TMEM232: variants seen among roughly 807,000 people sequenced by gnomAD.
TMEM232 encodes the protein transmembrane protein 232.
A neutral mutation model predicts 78.8 loss-of-function variants in TMEM232; 80 were observed. The ratio of observed to expected loss-of-function variants is 1.01; its 90% CI spans 0.85 to 1.22. The LOEUF is 1.22. TMEM232 is among the 50% of genes most tolerant of loss of function. The pLI is 0.00. For missense variants in TMEM232, 881 were observed against 742.2 expected (o/e 1.19, Z -2.17); for synonymous variants, 297 against 254.3 (o/e 1.17, Z -1.60).
intron 11 of TMEM232, among the ~76,000 whole-genome samples, chr5:110,554,855 A>G (rs73222653): frequency 0.042 from 6,421 of 152,172 alleles, 439 homozygotes; most frequent in African/African-American, 0.15. Context: ...TGGTCTCTGT[A>G]GGGTTTTGAT....
intron 12 of TMEM232, among the ~76,000 whole-genome samples, chr5:110,480,986 A>G (rs189831112): frequency 6.6e-6 from 1 of 152,144 alleles, no homozygotes; most frequent in Non-Finnish European, 1.5e-5. Context: ...TGTTTTCTGT[A>G]TCTAGTTAAT....
At chr5:110,598,897 A>C (rs1291266913) in intron 10 of TMEM232, among the ~76,000 whole-genome samples, 1 of 148,822 alleles carries the variant, frequency 6.7e-6, no homozygotes, top group East Asian at 2.0e-4. Flanking sequence ...GCATTAGGAG[A>C]TATACCTAAT....
chr5:110,689,497 G>T (rs1030118563), intron 1 of TMEM232, among the ~76,000 whole-genome samples: 1 of 151,922 alleles, frequency 6.6e-6, no homozygotes, highest in Non-Finnish European at 1.5e-5. Context: ...GTGTTTACAG[G>T]TGCTTTAGAA....
chr5:110,578,960 C>G (rs753085849), intron 10 of TMEM232, among the ~76,000 whole-genome samples: 1 of 151,760 alleles, frequency 6.6e-6, no homozygotes, highest in Non-Finnish European at 1.5e-5. Flanking sequence ...CTGGACACTT[C>G]GCAAATCTAG....
intron 1 of TMEM232, among the ~76,000 whole-genome samples, chr5:110,688,611 A>C (rs1234248635): frequency 6.6e-6 from 1 of 152,150 alleles, no homozygotes; most frequent in Non-Finnish European, 1.5e-5. Flanking sequence ...GGTATGACAA[A>C]CCAAAGGAGG....
intron 3 of TMEM232, among the ~76,000 whole-genome samples, chr5:110,392,407 A>G (rs1755232999): frequency 6.6e-6 from 1 of 152,208 alleles, no homozygotes; most frequent in Non-Finnish European, 1.5e-5. Flanking sequence ...ACTCCCTCCA[A>G]TTTGGTAATA....
At chr5:110,438,381 C>T (rs534461129) in intron 12 of TMEM232, among the ~76,000 whole-genome samples, 1 of 151,730 alleles carries the variant, frequency 6.6e-6, no homozygotes, top group East Asian at 2.0e-4. Flanking sequence ...TCTGCCTCTC[C>T]AGGTCCCAGC....
intron 2 of TMEM232, among the ~76,000 whole-genome samples, chr5:110,406,265 TACACACAC>T (rs70999966): frequency 0.026 from 3,756 of 143,656 alleles, 138 homozygotes; most frequent in African/African-American, 0.083. Context: ...CAGATATATA[TACACACAC>T]ACACACACAC....
Position 110,638,194 on chromosome 5 carries a change from A to T in TMEM232, c.501+4T>A, listed in dbSNP as rs1269411908. ...AAAACATTAAGAAGTTTTTCAAAAC[A>T]TACCTTTGCTAGCTTTATTTCAACT... On this transcript the variant is annotated splice_donor_region_variant and intron_variant, in intron 5 of 13. Transcript: ENST00000455884. 1 of 1,537,710 alleles carries T rather than the reference A, an allele frequency of 6.5e-7. No individual in the cohort carries two copies. Among genetic ancestry groups the T allele is most frequent in the South Asian group, 1.2e-5 (1 of 80,700 alleles).
At chr5:110,401,625 G>A (rs1014493402) in intron 2 of TMEM232, among the ~76,000 whole-genome samples, 4 of 151,980 alleles carry the variant, frequency 2.6e-5, no homozygotes, top group Non-Finnish European at 5.9e-5. Flanking sequence ...GAAGTGGTGT[G>A]CTTAATAAGT....
At chr5:110,412,262 A>G (rs1756025105) in intron 2 of TMEM232, among the ~76,000 whole-genome samples, 1 of 152,256 alleles carries the variant, frequency 6.6e-6, no homozygotes. Flanking sequence ...AGCCTCTGAC[A>G]GCAGGAGATA....
intron 2 of TMEM232, among the ~76,000 whole-genome samples, chr5:110,647,351 A>G (rs2150042955): frequency 6.6e-6 from 1 of 152,064 alleles, no homozygotes; most frequent in East Asian, 1.9e-4. Flanking sequence ...GGTGGACACA[A>G]TTACCAACCA....
intron 12 of TMEM232, among the ~76,000 whole-genome samples, chr5:110,525,037 A>G (rs1770367882): frequency 1.3e-5 from 2 of 152,060 alleles, no homozygotes; most frequent in African/African-American, 4.8e-5. Flanking sequence ...CCTTAAATCT[A>G]AAATGAGTTT....
chr5:110,603,248 T>C (rs754948725), intron 10 of TMEM232, among the ~76,000 whole-genome samples: 74 of 151,604 alleles, frequency 4.9e-4, no homozygotes, highest in Non-Finnish European at 7.1e-4. Context: ...TGTATACCTA[T>C]GTAACAAGCC....
intron 11 of TMEM232, among the ~76,000 whole-genome samples, chr5:110,566,696 G>A (rs963310134): frequency 2.0e-5 from 3 of 151,894 alleles, no homozygotes; most frequent in Non-Finnish European, 2.9e-5. Flanking sequence ...ATCTCTAGAA[G>A]TTCCAAACTT....
chr5:110,619,991 T>C (rs1277551138), intron 7 of TMEM232, among the ~76,000 whole-genome samples: 1 of 152,110 alleles, frequency 6.6e-6, no homozygotes, highest in Non-Finnish European at 1.5e-5. Context: ...ATAATAAATA[T>C]TATTTTAATC....
intron 11 of TMEM232, among the ~76,000 whole-genome samples, chr5:110,529,853 T>A (rs1410342424): frequency 6.6e-6 from 1 of 152,244 alleles, no homozygotes; most frequent in Non-Finnish European, 1.5e-5. Flanking sequence ...AAAATGTAAG[T>A]AAAAGGGCAT....
intron 8 of TMEM232, among the ~76,000 whole-genome samples, chr5:110,612,905 G>A (rs905253014): frequency 6.6e-5 from 10 of 152,052 alleles, no homozygotes; most frequent in Non-Finnish European, 1.3e-4. Context: ...AAATAGTGCC[G>A]TTTATAAAAG....
At chr5:110,589,104 C>T (rs1779191652) in intron 10 of TMEM232, among the ~76,000 whole-genome samples, 1 of 152,128 alleles carries the variant, frequency 6.6e-6, no homozygotes, top group East Asian at 1.9e-4. Flanking sequence ...AGCTGTGCTT[C>T]CCTGTTAGTA....
Sources: allele counts gnomAD v4.1 joint callset (sites outside exome capture counted in the v4.1 genomes callset), GRCh38; gene constraint gnomAD v4.1.1; transcripts MANE v1.5; gene names NCBI Gene and HGNC (gene_info 2026-07-23, HGNC 2026-07-21).